Variants in PCDHA6 observed in about 807,000 individuals in gnomAD.
PCDHA6 encodes the protein protocadherin alpha-6.
A neutral mutation model predicts 60.3 loss-of-function variants in PCDHA6; 55 were observed. The observed-to-expected ratio is 0.91, with a 90% CI of 0.73 to 1.14. PCDHA6 has a LOEUF of 1.14. Ranked by LOEUF, PCDHA6 falls within the 50% of genes most tolerant of loss-of-function variation. PCDHA6 has a pLI of 0.00. For synonymous variants in PCDHA6, 652 were observed against 557.9 expected (o/e 1.17, Z -2.38); for missense variants, 1,327 against 1,256.5 (o/e 1.06, Z -0.85).
At chr5:140,941,506 G>A (rs556309408) in intron 1 of PCDHA6, among the ~76,000 whole-genome samples, 3 of 151,236 alleles carry the variant, frequency 2.0e-5, no homozygotes, top group Non-Finnish European at 4.4e-5. Flanking sequence ...TAGTAGAGAC[G>A]AGGTTTCACC....
chr5:140,874,547 G>C (rs2054980934), intron 1 of PCDHA6, among the ~76,000 whole-genome samples: 1 of 152,190 alleles, frequency 6.6e-6, no homozygotes, highest in Non-Finnish European at 1.5e-5. Context: ...AACCCTTTAA[G>C]AGATCTTTCG....
At chr5:140,877,346 G>GGCT (rs1217124440) in intron 1 of PCDHA6, 1 of 1,613,888 alleles carries the variant, frequency 6.2e-7, no homozygotes, top group Non-Finnish European at 8.5e-7. Flanking sequence ...TTCCACGTGG[G>GGCT]GCTGTACACT....
intron 1 of PCDHA6, among the ~76,000 whole-genome samples, chr5:140,902,858 C>T (rs1275375548): frequency 6.6e-6 from 1 of 152,110 alleles, no homozygotes; most frequent in African/African-American, 2.4e-5. Context: ...AAATGGCGTC[C>T]AGGTCCACCC....
At chr5:140,864,054 C>T (rs575153653) in intron 1 of PCDHA6, 20 of 152,698 alleles carry the variant, frequency 1.3e-4, no homozygotes, top group African/African-American at 4.6e-4. Flanking sequence ...TTACTACAGT[C>T]ACCATGAACA....
At chr5:140,976,250 A>C (rs1420287471) in intron 1 of PCDHA6, among the ~76,000 whole-genome samples, 1 of 152,144 alleles carries the variant, frequency 6.6e-6, no homozygotes, top group Non-Finnish European at 1.5e-5. Flanking sequence ...ATGTAAATTT[A>C]TTTAAAACAC....
intron 1 of PCDHA6, chr5:140,859,610 T>C (rs2045934130): frequency 6.2e-6 from 1 of 161,780 alleles, no homozygotes; most frequent in African/African-American, 2.4e-5. Context: ...CTTTTTTCTT[T>C]CCTTTCTCTT....
At chr5:140,847,029 A>T (rs1780820329) in intron 1 of PCDHA6, among the ~76,000 whole-genome samples, 1 of 149,824 alleles carries the variant, frequency 6.7e-6, no homozygotes, top group African/African-American at 2.4e-5. Context: ...TTGGAAAGAG[A>T]AAACATAAGG....
At chr5:140,949,360 T>G (rs1178484553) in intron 1 of PCDHA6, among the ~76,000 whole-genome samples, 1 of 151,868 alleles carries the variant, frequency 6.6e-6, no homozygotes, top group South Asian at 2.1e-4. Context: ...TTTATTTTTT[T>G]GTCTAGTTGT....
At chr5:140,835,927 G>T (rs2150248499) in intron 1 of PCDHA6, 3 of 1,612,438 alleles carry the variant, frequency 1.9e-6, no homozygotes, top group African/African-American at 1.3e-5. Context: ...GCGGAGAGCG[G>T]CAAGGTGTAC....
At chr5:140,868,805 C>A in intron 1 of PCDHA6, 2 of 356,420 alleles carry the variant, frequency 5.6e-6, no homozygotes, top group Non-Finnish European at 5.0e-6. Context: ...TAAATAAGCA[C>A]GTTGGAAATA....
intron 1 of PCDHA6, chr5:140,858,116 G>T: frequency 1.3e-6 from 2 of 1,597,882 alleles, no homozygotes; most frequent in Non-Finnish European, 1.7e-6. Context: ...GCCCGAGGTG[G>T]CCCTGGTGGA....
chr5:140,965,821 C>T (rs782710036), intron 1 of PCDHA6, among the ~76,000 whole-genome samples: 9 of 152,150 alleles, frequency 5.9e-5, no homozygotes, highest in Non-Finnish European at 1.0e-4. Flanking sequence ...GCATTTTAAA[C>T]ATTTAAATAT....
chr5:140,973,639 T>C (rs1563426866), intron 1 of PCDHA6, among the ~76,000 whole-genome samples: 2 of 152,362 alleles, frequency 1.3e-5, no homozygotes, highest in East Asian at 3.9e-4. Context: ...GTACACATTC[T>C]GACTGAAGAA....
intron 2 of PCDHA6, 69 bp downstream of exon 2, chr5:140,979,076 C>G: frequency 6.3e-7 from 1 of 1,584,068 alleles, no homozygotes; most frequent in South Asian, 1.1e-5. Flanking sequence ...AACTGCATCT[C>G]CATAGGCCAG....
intron 1 of PCDHA6, among the ~76,000 whole-genome samples, chr5:140,897,340 C>A (rs1326802877): frequency 8.1e-6 from 1 of 122,842 alleles, no homozygotes; most frequent in African/African-American, 3.1e-5. Context: ...CCCCTCCCCC[C>A]ACCCCACAAC....
At chr5:140,967,758 A>G (rs781815948) in intron 1 of PCDHA6, 8 of 1,614,162 alleles carry the variant, frequency 5.0e-6, no homozygotes, top group Non-Finnish European at 5.9e-6. Context: ...GCCTCCTCCT[A>G]CCAGATCTAT....
chr5:140,890,822 A>T (rs1044008204), intron 1 of PCDHA6, among the ~76,000 whole-genome samples: 8 of 152,186 alleles, frequency 5.3e-5, no homozygotes, highest in Non-Finnish European at 1.0e-4. Flanking sequence ...TTTTAAATGT[A>T]CTTACATATT....
At chr5:140,900,667 G>A (rs557447526) in intron 1 of PCDHA6, among the ~76,000 whole-genome samples, 12 of 152,222 alleles carry the variant, frequency 7.9e-5, no homozygotes, top group Non-Finnish European at 1.6e-4. Flanking sequence ...CAATGGGAGT[G>A]CAGTTATCTC....
intron 1 of PCDHA6, chr5:140,858,613 T>A (rs953930839): frequency 8.3e-7 from 1 of 1,208,634 alleles, no homozygotes; most frequent in Non-Finnish European, 1.1e-6. Context: ...AATTTTTTTA[T>A]CCTACCCAGT....
Sources: allele counts gnomAD v4.1 joint callset (sites outside exome capture counted in the v4.1 genomes callset), GRCh38; gene constraint gnomAD v4.1.1; transcripts MANE v1.5; gene names NCBI Gene and HGNC (gene_info 2026-07-23, HGNC 2026-07-21).